SUCO: variants seen among roughly 807,000 people sequenced by gnomAD.
SUCO encodes the protein SUN domain-containing ossification factor.
In SUCO, 57 loss-of-function variants were observed where a neutral mutation model predicts 148.1. The ratio of observed to expected loss-of-function variants is 0.38; its 90% CI spans 0.31 to 0.48. The LOEUF (loss-of-function observed/expected upper bound fraction) is 0.48. Ranked by LOEUF, SUCO falls within the 20% of genes least tolerant of loss-of-function variation. The pLI, the probability that SUCO is intolerant of heterozygous loss-of-function variation, is 0.96. For synonymous variants in SUCO, 470 were observed against 502.7 expected (o/e 0.93, Z 0.87); for missense variants, 1,331 against 1,468.2 (o/e 0.91, Z 1.53).
rs114564227 is a variant in SUCO, at chr1:172,603,146, T to C, written c.3265+359T>C. 4.5e-3 allele frequency: 822 copies of C among 183,122 alleles called. 11 individuals are homozygous for C. The highest frequency in any genetic ancestry group is 0.018 in the African/African-American group (774 of 42,134). 11.3% of individuals were successfully genotyped at this position (183,122 alleles called of 1,614,324 possible). A position where few individuals can be genotyped will look rare whatever the true frequency, so the allele number is the denominator to read the frequency against. Reference sequence around the variant, plus strand: ...TGTGCTTTTCTGCCTCCTCTTCTTATACAGGTAGGACCCCTTTTGTCTCTA... The same window carrying C: ...TGTGCTTTTCTGCCTCCTCTTCTTACACAGGTAGGACCCCTTTTGTCTCTA... On this transcript the variant is annotated intron_variant, in intron 22 of 23. Coordinates refer to ENST00000263688, the MANE Select transcript of SUCO (RefSeq NM_014283.5).
At chr1:172,541,489 G>T (rs1189736125) in intron 1 of SUCO, among the ~76,000 whole-genome samples, 2 of 152,238 alleles carry the variant, frequency 1.3e-5, no homozygotes, top group Non-Finnish European at 2.9e-5. Context: ...TGGAGTAATT[G>T]AGGCTTGTCA....
In SUCO at chr1:172,602,721, A is replaced by C; in HGVS notation, c.3199A>C (p.Asn1067His). ...GTGTTTCTCTTCCTATGATGATATG[A>C]ATTTGAAAAGAAGAACTTCATTCCC... ...KRCFSSYDDMNLKRRTSFPLM... is the reference protein window; with the variant it reads ...KRCFSSYDDMHLKRRTSFPLM... Residue 1067 changes from asparagine (N) to histidine (H), a missense_variant, in exon 22 of 24, where the codon AAT (asparagine) becomes CAT (histidine). Asn to His is a moderately conservative substitution (Grantham distance 68). Coordinates refer to ENST00000263688, the MANE Select transcript of SUCO (RefSeq NM_014283.5). The C allele has an allele frequency of 1.9e-6, 3 of 1,613,116 alleles. No homozygotes were observed. The highest frequency in any genetic ancestry group is 1.7e-6 in the Non-Finnish European group (2 of 1,179,668).
intron 6 of SUCO, among the ~76,000 whole-genome samples, chr1:172,560,744 C>A (rs1467705861): frequency 6.6e-6 from 1 of 152,142 alleles, no homozygotes; most frequent in Admixed American, 6.5e-5. Flanking sequence ...AAAGCTACTC[C>A]TAAAAGAGAA....
chr1:172,571,295 G>C (rs1274245563), intron 9 of SUCO, among the ~76,000 whole-genome samples: 3 of 152,214 alleles, frequency 2.0e-5, no homozygotes, highest in African/African-American at 7.2e-5. Flanking sequence ...TCCTAACTGC[G>C]AGTGATCCGC....
intron 1 of SUCO, chr1:172,544,082 A>AT (rs759066042): frequency 8.3e-5 from 53 of 638,728 alleles, no homozygotes; most frequent in Non-Finnish European, 9.9e-5. Context: ...ATTTCAGTAA[A>AT]TTTTTTCAGA....
chr1:172,597,096 G>C (rs949214283), intron 19 of SUCO, among the ~76,000 whole-genome samples: 4 of 152,260 alleles, frequency 2.6e-5, no homozygotes, highest in African/African-American at 4.8e-5. Flanking sequence ...CCATGCACGG[G>C]ATATAATCTC....
At chr1:172,534,046 GTGTA>G (rs2149212820) in intron 1 of SUCO, among the ~76,000 whole-genome samples, 1 of 152,322 alleles carries the variant, frequency 6.6e-6, no homozygotes, top group South Asian at 2.1e-4. Flanking sequence ...GGGGGCGTGT[GTGTA>G]TGTGTGTTAT....
chr1:172,577,529 CTT>C lies in SUCO; in HGVS notation c.1264-9_1264-8del, dbSNP rs1207737289. 1.2e-6 allele frequency: 2 copies of C among 1,609,482 alleles called. No homozygotes were observed. The highest frequency in any genetic ancestry group is 2.7e-5 in the African/African-American group (2 of 74,866). ...CTGATTTCTTTTTCTTTTCCTTTCT[CTT>C]GCTTCAGATGTTCATCAAGTACATA... On this transcript the variant is annotated splice_polypyrimidine_tract_variant and splice_region_variant and intron_variant, in intron 11 of 23. Transcript: ENST00000263688.
rs1303315266 is a variant in SUCO at position 172,579,268 on chromosome 1, G to A, written c.1498+1G>A. ...AAAAATCTTCTTGGTTCTGCTACAA[G>A]TGAGTATTTTGAGGATTTTCTATTC... On this transcript the variant is annotated splice_donor_variant, in intron 15 of 23. Transcript: ENST00000263688. LOFTEE classifies it high-confidence loss of function. The A allele has an allele frequency of 1.3e-6, 2 of 1,578,396 alleles. No individual in the cohort carries two copies. The highest frequency in any genetic ancestry group is 2.2e-5 in the East Asian group (1 of 44,462).
intron 2 of SUCO, chr1:172,552,502 C>T (rs911838484): frequency 1.0e-5 from 3 of 295,648 alleles, no homozygotes; most frequent in Non-Finnish European, 1.5e-5. Context: ...CATGTGTGCA[C>T]ACATGTGGGT....
intron 9 of SUCO, among the ~76,000 whole-genome samples, chr1:172,573,646 T>TA (rs564230786): frequency 2.6e-5 from 4 of 151,670 alleles, no homozygotes; most frequent in African/African-American, 4.8e-5. Flanking sequence ...AAGGAATTTT[T>TA]AAAAAAAAAT....
At chr1:172,535,931 T>C (rs1651980998) in intron 1 of SUCO, among the ~76,000 whole-genome samples, 1 of 152,192 alleles carries the variant, frequency 6.6e-6, no homozygotes, top group Admixed American at 6.5e-5. Flanking sequence ...ATCTATGTCA[T>C]TATTAATTTT....
intron 15 of SUCO, among the ~76,000 whole-genome samples, chr1:172,580,140 A>G (rs897902131): frequency 6.6e-6 from 1 of 151,894 alleles, no homozygotes. Flanking sequence ...TACCTCTTTC[A>G]TCTCTCCTTC....
chr1:172,574,099 T>C (rs981099361), intron 10 of SUCO, 101 bp downstream of exon 10: 6 of 677,354 alleles, frequency 8.9e-6, no homozygotes, highest in Non-Finnish European at 1.5e-5. Flanking sequence ...TCAGTCCATT[T>C]ATTTTTTAAA....
chr1:172,556,046 C>T (rs1321117592), intron 4 of SUCO, 23 bp downstream of exon 4: 3 of 1,575,484 alleles, frequency 1.9e-6, no homozygotes, highest in African/African-American at 2.7e-5. Flanking sequence ...AAAAAACAAA[C>T]ACAAAAAAGA....
Position 172,610,460 on chromosome 1 carries a change from C to A in SUCO, c.*201C>A. 1 of 675,828 alleles carries A rather than the reference C, an allele frequency of 1.5e-6. No homozygotes were observed. The highest frequency in any genetic ancestry group is 2.2e-6 in the Non-Finnish European group (1 of 451,540). 41.9% of individuals were successfully genotyped at this position (675,828 alleles called of 1,614,324 possible). A position where few individuals can be genotyped will look rare whatever the true frequency, so the allele number is the denominator to read the frequency against. ...TACAGTTTTACAAAGCTGATCACTT[C>A]CTATAAGGACAATGGTAGACATTTT... On this transcript the variant is annotated 3_prime_UTR_variant, in exon 24 of 24. Transcript: ENST00000263688.
intron 3 of SUCO, among the ~76,000 whole-genome samples, chr1:172,555,660 T>C (rs1392362105): frequency 6.6e-6 from 1 of 152,184 alleles, no homozygotes; most frequent in East Asian, 1.9e-4. Context: ...TGAAATGCCA[T>C]GAAAAATGCT....
At chr1:172,597,084 A>G (rs539321108) in intron 19 of SUCO, among the ~76,000 whole-genome samples, 14 of 152,340 alleles carry the variant, frequency 9.2e-5, no homozygotes, top group Admixed American at 9.1e-4. Context: ...GGACCCTCCG[A>G]GCCATGCACG....
Position 172,609,850 on chromosome 1 carries a change from A to G in SUCO, c.3356A>G (p.Glu1119Gly). The change falls in exon 24 of 24, where the codon GAG becomes GGG. Residue 1119 changes from glutamate to glycine, a missense_variant. Around this residue, in one of 3 missense-constraint regions of SUCO, gnomAD observed 334 missense variants for 352.3 expected, o/e 0.95. Coordinates refer to ENST00000263688, the MANE Select transcript of SUCO (RefSeq NM_014283.5). ...TGCAAGTACAAAATTGAAAAAATTGAGACCATAAAGCCTGAAGAACCATTG... is the reference window on the plus strand; with the variant it reads ...TGCAAGTACAAAATTGAAAAAATTGGGACCATAAAGCCTGAAGAACCATTG... ...KRCKYKIEKI[E>G]TIKPEEPLHP... 1.9e-6 allele frequency: 3 copies of G among 1,597,752 alleles called. No homozygotes were observed. The highest frequency in any genetic ancestry group is 2.6e-6 in the Non-Finnish European group (3 of 1,175,464).
Sources: gnomAD v4.1 joint callset for allele counts (sites outside exome capture counted in the v4.1 genomes callset) on GRCh38, gnomAD v4.1.1 for gene constraint, gnomAD v4.1.1 regional missense constraint, MANE v1.5 for transcripts, NCBI Gene and HGNC (gene_info 2026-07-23, HGNC 2026-07-21) for gene names.